MAP3K14: variants seen among roughly 807,000 people sequenced by gnomAD.
The protein encoded by MAP3K14 is NF-kappa-beta-inducing kinase.
A neutral mutation model predicts 99.2 loss-of-function variants in MAP3K14; 16 were observed. The ratio of observed to expected loss-of-function variants is 0.16; its 90% CI spans 0.11 to 0.24. The LOEUF (loss-of-function observed/expected upper bound fraction) is 0.24. Among genes scored for constraint, MAP3K14 ranks in the 10% least tolerant of loss-of-function variants. MAP3K14 has a pLI of 1.00. For synonymous variants in MAP3K14, 462 were observed against 492.4 expected, an observed-to-expected ratio of 0.94 and a Z score of 0.82; for missense variants, 784 against 1,208.7, an observed-to-expected ratio of 0.65 and a Z score of 5.21.
intron 1 of MAP3K14, among the ~76,000 whole-genome samples, chr17:45,291,321 T>TGA (rs2044309331): frequency 6.7e-6 from 1 of 149,080 alleles, no homozygotes; most frequent in African/African-American, 2.5e-5. Context: ...TGTGTGTGTG[T>TGA]CCTACAAAGT....
At chr17:45,309,223 T>C (rs1051173957) in intron 1 of MAP3K14, among the ~76,000 whole-genome samples, 1 of 152,216 alleles carries the variant, frequency 6.6e-6, no homozygotes, top group Non-Finnish European at 1.5e-5. Context: ...CGCTCCAAGC[T>C]GACAAGTGGT....
At chr17:45,287,663 G>T (rs540912550) in intron 3 of MAP3K14, among the ~76,000 whole-genome samples, 1 of 152,254 alleles carries the variant, frequency 6.6e-6, no homozygotes, top group African/African-American at 2.4e-5. Flanking sequence ...AGCTGTGCTT[G>T]TTACTATGGT....
intron 1 of MAP3K14, among the ~76,000 whole-genome samples, chr17:45,307,693 C>T (rs1381325507): frequency 6.6e-6 from 1 of 152,170 alleles, no homozygotes; most frequent in African/African-American, 2.4e-5. Flanking sequence ...GCAGCGTCTA[C>T]CTGTGTTCAG....
At chr17:45,311,787 C>T (rs1424035654) in intron 1 of MAP3K14, among the ~76,000 whole-genome samples, 1 of 151,984 alleles carries the variant, frequency 6.6e-6, no homozygotes, top group Admixed American at 6.5e-5. Flanking sequence ...GTTTTTCACA[C>T]CAAAATAGGG....
At chr17:45,288,706 G>C (rs527644711) in intron 3 of MAP3K14, among the ~76,000 whole-genome samples, 100 of 152,240 alleles carry the variant, frequency 6.6e-4, no homozygotes, top group Non-Finnish European at 1.2e-3. Flanking sequence ...AATCATCTGT[G>C]GGGGAATGCA....
chr17:45,307,161 G>C (rs1336262858), intron 1 of MAP3K14, among the ~76,000 whole-genome samples: 1 of 152,048 alleles, frequency 6.6e-6, no homozygotes, highest in Non-Finnish European at 1.5e-5. Flanking sequence ...GGGAGGCTGA[G>C]GCACAAGAAT....
At chr17:45,307,199 A>T (rs558798396) in intron 1 of MAP3K14, among the ~76,000 whole-genome samples, 1 of 152,272 alleles carries the variant, frequency 6.6e-6, no homozygotes, top group East Asian at 1.9e-4. Context: ...TGGAGGTTGC[A>T]GTGAGCCGAG....
intron 6 of MAP3K14, among the ~76,000 whole-genome samples, chr17:45,278,092 T>C (rs2044193436): frequency 6.6e-6 from 1 of 152,224 alleles, no homozygotes; most frequent in Non-Finnish European, 1.5e-5. Flanking sequence ...GGGTATTTGT[T>C]TTGGCCTGGG....
chr17:45,282,582 A>G (rs996251940), intron 6 of MAP3K14, among the ~76,000 whole-genome samples: 1 of 151,880 alleles, frequency 6.6e-6, no homozygotes, highest in Non-Finnish European at 1.5e-5. Context: ...AAAGAAAAGA[A>G]AAAAGATCAA....
intron 2 of MAP3K14, 91 bp downstream of exon 2, chr17:45,290,399 C>G (rs2044301005): frequency 6.1e-6 from 9 of 1,478,034 alleles, no homozygotes; most frequent in Non-Finnish European, 8.3e-6. Context: ...GTGACACAGA[C>G]CTCTCTCCTC....
Position 45,287,043 on chromosome 17 carries a change from C to T in MAP3K14, c.540G>A (p.Glu180=). 1 of 1,610,476 alleles carries T rather than the reference C, an allele frequency of 6.2e-7. No homozygotes were observed. The highest frequency in any genetic ancestry group is 8.5e-7 in the Non-Finnish European group (1 of 1,177,170). ...ATGGGGCGCCGAGTGGAGACTCATC[C>T]TCCTGCGGGGGGAAACACAGCTATC... ...EQESCTIPVQ[E]DESPLGAPYV... The change falls in exon 5 of 16, where the codon GAG becomes GAA. Residue 180 remains glutamate, a splice_region_variant and synonymous_variant. Coordinates refer to ENST00000344686, the MANE Select transcript of MAP3K14 (RefSeq NM_003954.5).
At chr17:45,282,926 T>A (rs1051411693) in intron 6 of MAP3K14, among the ~76,000 whole-genome samples, 2 of 152,138 alleles carry the variant, frequency 1.3e-5, no homozygotes, top group African/African-American at 4.8e-5. Context: ...CAAAGAGCCA[T>A]CCCCACTGCA....
At chr17:45,270,314 G>T in intron 11 of MAP3K14, 99 bp downstream of exon 11, 1 of 1,425,750 alleles carries the variant, frequency 7.0e-7, no homozygotes, top group Non-Finnish European at 9.3e-7. Context: ...GGAAACTAAG[G>T]CTCTGAGGGG....
intron 1 of MAP3K14, among the ~76,000 whole-genome samples, chr17:45,293,538 A>C (rs1444164702): frequency 6.6e-6 from 1 of 152,240 alleles, no homozygotes; most frequent in African/African-American, 2.4e-5. Context: ...TGACTCATCC[A>C]ACAGCCTGGC....
At chr17:45,297,716 C>CTTTT (rs34809589) in intron 1 of MAP3K14, among the ~76,000 whole-genome samples, 4 of 110,932 alleles carry the variant, frequency 3.6e-5, no homozygotes, top group Admixed American at 1.0e-4. Flanking sequence ...TGGTTTAAAT[C>CTTTT]TTTTTTTTTT....
chr17:45,311,977 T>G (rs1013041304), intron 1 of MAP3K14, among the ~76,000 whole-genome samples: 2 of 152,170 alleles, frequency 1.3e-5, no homozygotes, highest in African/African-American at 4.8e-5. Flanking sequence ...CCCCCTCCGC[T>G]GTCAGCCCAC....
rs553632905 is a variant in MAP3K14 at position 45,267,137 on chromosome 17, C to T, written c.2388G>A (p.Ser796=). 32 of 1,601,298 alleles carry T rather than the reference C, an allele frequency of 2.0e-5. No homozygotes were observed. Among genetic ancestry groups the T allele is most frequent in the Admixed American group, 5.2e-5 (3 of 58,242 alleles). The change falls in exon 13 of 16, where the codon TCG becomes TCA. Residue 796 remains serine, a synonymous_variant. Transcript: ENST00000344686. This position sits in a 1 kb window ranked among gnomAD's most constrained non-coding sequence, Gnocchi z 5.1. The part of the protein sequence containing the change: ...FSLEEQEQIL[S]CLSIDSLSLS... Reference sequence around the variant, plus strand: ...GGGAGAGGCTGTCGATGCTGAGGCACGAGAGAATTTGCTCCTGCTCCTCCA... The same window carrying T: ...GGGAGAGGCTGTCGATGCTGAGGCATGAGAGAATTTGCTCCTGCTCCTCCA...
intron 1 of MAP3K14, among the ~76,000 whole-genome samples, chr17:45,314,286 C>T (rs1379891103): frequency 2.6e-5 from 4 of 152,218 alleles, no homozygotes; most frequent in Non-Finnish European, 4.4e-5. Flanking sequence ...CCAGCATCAC[C>T]GAGTAAATGC....
rs11574834 is a variant in MAP3K14 at position 45,266,480 on chromosome 17, G to A, written c.2578+57C>T. The A allele has an allele frequency of 8.8e-3, 13,677 of 1,557,236 alleles. 1,057 individuals are homozygous for A. In the African/African-American group the frequency reaches 0.16, roughly 19 times the overall value. On this transcript the variant is annotated intron_variant, in intron 14 of 15. Coordinates refer to ENST00000344686, the MANE Select transcript of MAP3K14 (RefSeq NM_003954.5). ...GACAAAATCCCTCAATGGCTGTCTA[G>A]CTCCAGGCAGATCAGCTGCCACGGG...
Sources: allele counts gnomAD v4.1 joint callset (sites outside exome capture counted in the v4.1 genomes callset), GRCh38; gene constraint gnomAD v4.1.1; non-coding constraint Gnocchi (gnomAD v3.1); transcripts MANE v1.5; gene names NCBI Gene and HGNC (gene_info 2026-07-23, HGNC 2026-07-21).